PATJ: variants seen among roughly 807,000 people sequenced by gnomAD.
PATJ encodes inaD-like protein.
Under a neutral mutation model 224.9 loss-of-function variants are expected in PATJ, and 190 were observed. The observed-to-expected ratio is 0.84, with a 90% confidence interval of 0.75 to 0.95. The LOEUF (loss-of-function observed/expected upper bound fraction) is 0.95, where lower values mean the gene tolerates loss of function less well. Ranked by LOEUF, PATJ falls within the 40% of genes least tolerant of loss-of-function variation. PATJ has a pLI of 0.00. For synonymous variants in PATJ, 769 were observed against 820.3 expected (o/e 0.94, Z 1.07); for missense variants, 2,121 against 2,270.3 (o/e 0.93, Z 1.34).
At chr1:61,991,366 T>C in intron 28 of PATJ, 3 of 355,940 alleles carry the variant, frequency 8.4e-6, no homozygotes, top group Non-Finnish European at 1.2e-5. Flanking sequence ...GCCTATTTGT[T>C]AAAATGTTCC....
chr1:61,749,603 G>C (rs550867128), intron 1 of PATJ, among the ~76,000 whole-genome samples: 1 of 152,056 alleles, frequency 6.6e-6, no homozygotes, highest in East Asian at 1.9e-4. Flanking sequence ...TCCTACCATC[G>C]AATGTTACTT....
intron 8 of PATJ, among the ~76,000 whole-genome samples, chr1:61,789,003 G>A (rs1649199987): frequency 6.6e-6 from 1 of 152,124 alleles, no homozygotes; most frequent in African/African-American, 2.4e-5. Flanking sequence ...GGGTCCAGGA[G>A]GAAGAGGAAA....
At chr1:61,883,779 A>C (rs1299903787) in intron 21 of PATJ, among the ~76,000 whole-genome samples, 1 of 148,040 alleles carries the variant, frequency 6.8e-6, no homozygotes, top group East Asian at 2.0e-4. Flanking sequence ...AAAAAAAAGA[A>C]TGTAAAAGAA....
At chr1:61,972,289 G>T (rs1214019280) in intron 27 of PATJ, among the ~76,000 whole-genome samples, 1 of 151,994 alleles carries the variant, frequency 6.6e-6, no homozygotes, top group Admixed American at 6.6e-5. Context: ...GGCTTCATGC[G>T]ACTGTGACTT....
chr1:61,796,960 A>G (rs1651454526), intron 10 of PATJ, among the ~76,000 whole-genome samples: 1 of 151,730 alleles, frequency 6.6e-6, no homozygotes, highest in Admixed American at 6.6e-5. Flanking sequence ...ACTGCCTCCC[A>G]GGTTCAAGCG....
chr1:61,826,194 C>G (rs1658218390), intron 15 of PATJ, among the ~76,000 whole-genome samples: 1 of 152,144 alleles, frequency 6.6e-6, no homozygotes, highest in African/African-American at 2.4e-5. Context: ...TGGCAAAGTG[C>G]TTGATATGTT....
intron 25 of PATJ, among the ~76,000 whole-genome samples, chr1:61,912,037 A>C (rs1412988637): frequency 1.6e-5 from 1 of 60,654 alleles, no homozygotes; most frequent in Non-Finnish European, 3.7e-5. Flanking sequence ...AAAAAATTGG[A>C]TATCTTCAGC....
intron 30 of PATJ, chr1:62,039,151 C>A: frequency 1.6e-6 from 1 of 606,258 alleles, no homozygotes; most frequent in Admixed American, 2.2e-5. Flanking sequence ...CATAGGAACT[C>A]CATCCTACCT....
intron 31 of PATJ, among the ~76,000 whole-genome samples, chr1:62,074,267 T>G (rs1018718739): frequency 6.6e-6 from 1 of 151,130 alleles, no homozygotes; most frequent in Admixed American, 6.6e-5. Flanking sequence ...AAATGACAAG[T>G]TAATGGGTGC....
chr1:62,098,608 G>C (rs1558164762), intron 33 of PATJ, among the ~76,000 whole-genome samples: 1 of 147,884 alleles, frequency 6.8e-6, no homozygotes, highest in Non-Finnish European at 1.5e-5. Flanking sequence ...AAAAAAAAAA[G>C]TCATGTAGTT....
At chr1:61,877,705 G>A (rs1449091212) in intron 21 of PATJ, among the ~76,000 whole-genome samples, 1 of 152,120 alleles carries the variant, frequency 6.6e-6, no homozygotes, top group African/African-American at 2.4e-5. Context: ...CTCTCGTACA[G>A]CCTGTGGAAC....
intron 17 of PATJ, among the ~76,000 whole-genome samples, chr1:61,838,521 A>ATTTTTTTTTTTTTTTTTTTTTT (rs34877280): frequency 8.7e-6 from 1 of 115,574 alleles, no homozygotes; most frequent in African/African-American, 3.4e-5. Flanking sequence ...CGCCTGGCTA[A>ATTTTTTTTTTTTTTTTTTTTTT]TTTTTTTTTT....
chr1:61,888,711 G>A (rs1669208047), intron 22 of PATJ, among the ~76,000 whole-genome samples: 1 of 152,194 alleles, frequency 6.6e-6, no homozygotes, highest in African/African-American at 2.4e-5. Context: ...AAACTTCTAA[G>A]TCCACCCCTC....
intron 5 of PATJ, among the ~76,000 whole-genome samples, chr1:61,769,966 T>G (rs1165570227): frequency 6.6e-6 from 1 of 152,166 alleles, no homozygotes; most frequent in East Asian, 1.9e-4. Flanking sequence ...TTGCTTTTAT[T>G]TTTTAAGGGG....
chr1:61,889,074 CAG>C (rs373681600), intron 22 of PATJ, among the ~76,000 whole-genome samples: 1 of 152,302 alleles, frequency 6.6e-6, no homozygotes, highest in East Asian at 1.9e-4. Context: ...TATTGCCACT[CAG>C]GAGCCTGCCT....
At chr1:61,938,051 G>A (rs1301442629) in intron 27 of PATJ, among the ~76,000 whole-genome samples, 1 of 152,110 alleles carries the variant, frequency 6.6e-6, no homozygotes, top group African/African-American at 2.4e-5. Flanking sequence ...TCTCCATCTT[G>A]GTACTGTTGC....
intron 27 of PATJ, among the ~76,000 whole-genome samples, chr1:61,945,973 A>G (rs973112523): frequency 6.6e-6 from 1 of 152,250 alleles, no homozygotes; most frequent in African/African-American, 2.4e-5. Context: ...ACTACTGGGT[A>G]CATAATGAAA....
At chr1:61,891,046 CA>C (rs559211382) in intron 22 of PATJ, among the ~76,000 whole-genome samples, 43 of 134,466 alleles carry the variant, frequency 3.2e-4, no homozygotes, top group Middle Eastern at 3.7e-3. Flanking sequence ...TGTTGATTAA[CA>C]AAAAAAAAAA....
chr1:62,047,602 T>C (rs1570313649), intron 30 of PATJ, among the ~76,000 whole-genome samples: 2 of 152,192 alleles, frequency 1.3e-5, no homozygotes, highest in East Asian at 3.8e-4. Context: ...CGCCAGGCCT[T>C]CTTCAGGGGC....
Sources: gnomAD v4.1 joint callset for allele counts (sites outside exome capture counted in the v4.1 genomes callset) on GRCh38, gnomAD v4.1.1 for gene constraint, MANE v1.5 for transcripts, NCBI Gene and HGNC (gene_info 2026-07-23, HGNC 2026-07-21) for gene names.